NRG3: variants seen among roughly 807,000 people sequenced by gnomAD.
The protein encoded by NRG3 is pro-neuregulin-3, membrane-bound isoform.
NRG3 carries 31 observed loss-of-function variants against 66.9 expected under a neutral mutation model. That is an observed-to-expected ratio of 0.46 (90% CI 0.35 to 0.63). The LOEUF is 0.63. Ranked by LOEUF, NRG3 falls within the 20% of genes least tolerant of loss-of-function variation. NRG3 has a pLI of 0.00. For synonymous variants in NRG3, 393 were observed against 359.4 expected, an observed-to-expected ratio of 1.09 and a Z score of -1.06; for missense variants, 910 against 878.9, an observed-to-expected ratio of 1.04 and a Z score of -0.45.
intron 3 of NRG3, among the ~76,000 whole-genome samples, chr10:82,855,906 A>G (rs1241096156): frequency 6.6e-6 from 1 of 152,302 alleles, no homozygotes; most frequent in African/African-American, 2.4e-5. Context: ...AGTGAATCCT[A>G]AATTATATAC....
chr10:82,522,640 A>G (rs1184223575), intron 2 of NRG3, among the ~76,000 whole-genome samples: 1 of 152,164 alleles, frequency 6.6e-6, no homozygotes, highest in Admixed American at 6.5e-5. Context: ...ACAAACCGTC[A>G]ATTTGTAAAA....
chr10:82,266,342 G>A (rs931119397), intron 1 of NRG3, among the ~76,000 whole-genome samples: 1 of 152,078 alleles, frequency 6.6e-6, no homozygotes, highest in Non-Finnish European at 1.5e-5. Flanking sequence ...GAGAATGCGG[G>A]TGGTTAGTGA....
rs760505625 is a variant in NRG3 at position 81,875,474 on chromosome 10, C to T, written c.134C>T (p.Ala45Val). The change falls in exon 1 of 9, where the codon GCG (alanine) becomes GTG (valine). Residue 45 changes from alanine (A) to valine (V), a missense_variant. Coordinates refer to ENST00000372141, the MANE Select transcript of NRG3 (RefSeq NM_001010848.4). This position sits in a 1 kb window ranked among gnomAD's most constrained non-coding sequence, Gnocchi z 5.3. ...GGCCCGGACGGCGGCGGCGAAGGGG[C>T]GGCCGAGCCCCCCCGGGAGTTACGC... ...GGGPDGGGEG[A>V]AEPPRELRCS... 4.1e-5 allele frequency: 53 copies of T among 1,293,062 alleles called. No individual in the cohort carries two copies. Among genetic ancestry groups the T allele is most frequent in the Non-Finnish European group, 4.8e-5 (49 of 1,016,062 alleles). The allele number at this position is 1,293,062 out of a possible 1,614,324, so 80.1% of individuals were successfully genotyped here. A position where few individuals can be genotyped will look rare whatever the true frequency, so the allele number is the denominator to read the frequency against.
intron 2 of NRG3, among the ~76,000 whole-genome samples, chr10:82,603,477 T>G (rs2047760728): frequency 6.6e-6 from 1 of 152,180 alleles, no homozygotes; most frequent in Non-Finnish European, 1.5e-5. Context: ...AGGAAACAAT[T>G]GAGCGGAAAC....
intron 1 of NRG3, among the ~76,000 whole-genome samples, chr10:82,226,442 G>A (rs116819439): frequency 0.013 from 2,013 of 152,220 alleles, 46 homozygotes; most frequent in African/African-American, 0.046. Context: ...TGCTTTTGGA[G>A]TCCTTGTGAG....
At chr10:82,019,302 G>T (rs1278281207) in intron 1 of NRG3, among the ~76,000 whole-genome samples, 1 of 152,158 alleles carries the variant, frequency 6.6e-6, no homozygotes, top group Non-Finnish European at 1.5e-5. Context: ...GATCATGGTG[G>T]ATAAGCTTTT....
chr10:82,533,911 A>C (rs548315515), intron 2 of NRG3, among the ~76,000 whole-genome samples: 13 of 152,300 alleles, frequency 8.5e-5, no homozygotes, highest in African/African-American at 2.9e-4. Flanking sequence ...AATTCAGCAA[A>C]GTTGTAAGAT....
chr10:82,079,865 G>A (rs769829274), intron 1 of NRG3, among the ~76,000 whole-genome samples: 1 of 152,058 alleles, frequency 6.6e-6, no homozygotes, highest in Non-Finnish European at 1.5e-5. Flanking sequence ...TCTGGATTCC[G>A]ACTGAAGGAC....
At chr10:82,287,537 T>A (rs763274611) in intron 1 of NRG3, among the ~76,000 whole-genome samples, 4 of 150,900 alleles carry the variant, frequency 2.7e-5, no homozygotes, top group Non-Finnish European at 5.9e-5. Context: ...GAAGAGGAGG[T>A]CTTTGGTAGG....
At chr10:82,198,871 T>A (rs1228285319) in intron 1 of NRG3, among the ~76,000 whole-genome samples, 1 of 151,606 alleles carries the variant, frequency 6.6e-6, no homozygotes, top group Non-Finnish European at 1.5e-5. Flanking sequence ...GTGGCACACA[T>A]CTGTAATCCC....
chr10:82,788,343 G>A (rs974710912), intron 3 of NRG3, among the ~76,000 whole-genome samples: 1 of 152,162 alleles, frequency 6.6e-6, no homozygotes, highest in African/African-American at 2.4e-5. Context: ...GCCAAGGTGG[G>A]CAGATCACCT....
chr10:82,023,703 A>T (rs1437372364), intron 1 of NRG3, among the ~76,000 whole-genome samples: 7 of 141,272 alleles, frequency 5.0e-5, no homozygotes, highest in Admixed American at 4.9e-4. Flanking sequence ...GATAAATCCC[A>T]TTTGATTATG....
At chr10:82,104,416 A>G (rs2132155686) in intron 1 of NRG3, among the ~76,000 whole-genome samples, 1 of 152,344 alleles carries the variant, frequency 6.6e-6, no homozygotes, top group Admixed American at 6.5e-5. Context: ...AGAGTGGGAT[A>G]CAAAATAATA....
chr10:82,504,874 T>C (rs1443548637), intron 2 of NRG3, among the ~76,000 whole-genome samples: 1 of 149,984 alleles, frequency 6.7e-6, no homozygotes, highest in African/African-American at 2.5e-5. Flanking sequence ...TTTTTTTACT[T>C]TTTTTTTTGT....
chr10:81,904,302 G>T (rs1257427109), intron 1 of NRG3, among the ~76,000 whole-genome samples: 2 of 152,032 alleles, frequency 1.3e-5, no homozygotes, highest in East Asian at 1.9e-4. Flanking sequence ...GAGCCACCAT[G>T]CCTGGCCCAG....
chr10:82,751,861 CTA>C (rs1391818689), intron 3 of NRG3, among the ~76,000 whole-genome samples: 1 of 152,098 alleles, frequency 6.6e-6, no homozygotes, highest in Non-Finnish European at 1.5e-5. Flanking sequence ...AATCCTCAGA[CTA>C]TGTCTTAAAT....
chr10:82,150,530 CA>C (rs1188955647), intron 1 of NRG3, among the ~76,000 whole-genome samples: 437 of 26,692 alleles, frequency 0.016, 6 homozygotes, highest in Admixed American at 0.089. Flanking sequence ...AGAGCACACA[CA>C]AAAAAAAAAA....
At chr10:82,039,933 T>A (rs2062955950) in intron 1 of NRG3, among the ~76,000 whole-genome samples, 1 of 152,120 alleles carries the variant, frequency 6.6e-6, no homozygotes, top group African/African-American at 2.4e-5. Flanking sequence ...TGCCATGAAT[T>A]GTGTCAAGTA....
chr10:82,900,731 C>CAA (rs1844139647), intron 4 of NRG3, among the ~76,000 whole-genome samples: 1 of 152,164 alleles, frequency 6.6e-6, no homozygotes, highest in Admixed American at 6.5e-5. Flanking sequence ...ACACACTATA[C>CAA]AATTTCCCCA....
Sources: allele counts gnomAD v4.1 joint callset (sites outside exome capture counted in the v4.1 genomes callset), GRCh38; gene constraint gnomAD v4.1.1; non-coding constraint Gnocchi (gnomAD v3.1); transcripts MANE v1.5; gene names NCBI Gene and HGNC (gene_info 2026-07-23, HGNC 2026-07-21).